Variants in DBF4B observed in about 807,000 individuals in gnomAD.
DBF4B encodes DBF4B-CDC7 kinase regulatory subunit.
DBF4B carries 49 observed loss-of-function variants against 53.4 expected under a neutral mutation model. The observed-to-expected ratio is 0.92, with a 90% CI of 0.73 to 1.16. The LOEUF is 1.16. Ranked by LOEUF, DBF4B falls within the 50% of genes most tolerant of loss-of-function variation. The pLI is 0.00. For synonymous variants in DBF4B, 257 were observed against 288.7 expected, an observed-to-expected ratio of 0.89 and a Z score of 1.11; for missense variants, 692 against 775.0, an observed-to-expected ratio of 0.89 and a Z score of 1.27.
At position 44,725,684 on chromosome 17, in the gene DBF4B, C is replaced by CTTTTTTTTTTTTTTTTTT. The variant is rs68091397; in HGVS notation, c.225+2665_225+2682dup. Among the ~76,000 whole-genome samples the CTTTTTTTTTTTTTTTTTT allele has an allele frequency of 1.2e-3, 106 of 87,626 alleles. 8 individuals carry two copies. The highest frequency in any genetic ancestry group is 4.6e-3 in the East Asian group (18 of 3,898). The allele number at this position is 87,626 out of a possible 152,430, so 57.5% of individuals were successfully genotyped here. ...ATCCTGCCTTTGTTTTTTTGTGCTTCTTTTTTTTTTTTTTTTTTTTAAGAG... is the reference window on the plus strand; with the variant it reads ...ATCCTGCCTTTGTTTTTTTGTGCTTCTTTTTTTTTTTTTTTTTTTTTTTTTTTTTTTTTTTTTTAAGAG... On this transcript the variant is annotated intron_variant, in intron 3 of 13. Transcript: ENST00000315005.
Position 44,749,237 on chromosome 17 carries a change from G to A in DBF4B, c.1189+772G>A, listed in dbSNP as rs975007685. The A allele has an allele frequency of 1.5e-6, 2 of 1,290,494 alleles. No homozygotes were observed. The highest frequency in any genetic ancestry group is 2.4e-5 in the South Asian group (2 of 81,736). The allele number at this position is 1,290,494 out of a possible 1,614,324, so 79.9% of individuals were successfully genotyped here. ...GCCCCCCAGCCTCTCCAGGTGCCCT[G>A]TCTCCCTGTCTCCCAGCCCTGGTCC... is the stretch of plus-strand genomic sequence containing the variant. On this transcript the variant is annotated intron_variant, in intron 13 of 13. Coordinates refer to ENST00000315005, the MANE Select transcript of DBF4B (RefSeq NM_145663.3). The surrounding 1 kb of genome is among the most constrained non-coding windows in gnomAD (Gnocchi z 4.4).
intron 2 of DBF4B, among the ~76,000 whole-genome samples, chr17:44,716,881 T>G (rs1973377581): frequency 6.6e-6 from 1 of 152,180 alleles, no homozygotes; most frequent in African/African-American, 2.4e-5. Context: ...TGGCTTAGGA[T>G]TTAGCCTTCT....
At position 44,751,287 on chromosome 17, in the gene DBF4B, G is replaced by A. The variant is rs750978583; in HGVS notation, c.*34G>A. On this transcript the variant is annotated 3_prime_UTR_variant, in exon 14 of 14. Coordinates refer to ENST00000315005, the MANE Select transcript of DBF4B (RefSeq NM_145663.3). The stretch of plus-strand genomic sequence containing the variant: ...CCAGAACACCTGAGACTTGACCCAG[G>A]ATGGATGGGTGCTGCTTGATGTGAA... 6.9e-6 allele frequency: 11 copies of A among 1,592,076 alleles called. No homozygotes were observed. The Admixed American group carries it at 1.9e-4, about 27-fold the overall frequency.
At chr17:44,730,202 T>A in intron 4 of DBF4B, 106 bp downstream of exon 4, 1 of 1,244,354 alleles carries the variant, frequency 8.0e-7, no homozygotes, top group Admixed American at 2.8e-5. Flanking sequence ...ATTAATTTAA[T>A]CTCTCATTTG....
chr17:44,716,519 A>G (rs775203559), intron 2 of DBF4B, among the ~76,000 whole-genome samples: 20 of 152,078 alleles, frequency 1.3e-4, no homozygotes, highest in Admixed American at 5.2e-4. Flanking sequence ...CCCCAAGACT[A>G]TTGACATTTT....
rs1424596782 is a variant in DBF4B, at chr17:44,750,558, T to C, written c.1190-37T>C. On this transcript the variant is annotated intron_variant, in intron 13 of 13. Transcript: ENST00000315005. The stretch of plus-strand genomic sequence containing the variant: ...ATTACAAATAGCAAAGAGATGGGGC[T>C]GGAATGCCATATGTCGGTCCTTGAT... The C allele has an allele frequency of 1.9e-6, 3 of 1,547,214 alleles. No individual in the cohort carries two copies. The Admixed American group carries it at 6.0e-5, about 31-fold the overall frequency.
chr17:44,746,286 G>A (rs1281754057), intron 10 of DBF4B, among the ~76,000 whole-genome samples: 5 of 151,528 alleles, frequency 3.3e-5, no homozygotes, highest in African/African-American at 9.7e-5. Flanking sequence ...AAATCCTAGC[G>A]GACAGTGAGG....
Position 44,750,610 on chromosome 17 carries a change from C to A in DBF4B, c.1205C>A (p.Ala402Asp). The change falls in exon 14 of 14, where the codon GCT (alanine) becomes GAT (aspartate). Residue 402 changes from alanine to aspartate, a missense_variant. Physicochemically the swap from Ala to Asp is moderately radical, Grantham distance 126. Around this residue, in one of 3 missense-constraint regions of DBF4B, gnomAD observed 597 missense variants for 665.8 expected, o/e 0.90. Coordinates refer to ENST00000315005, the MANE Select transcript of DBF4B (RefSeq NM_145663.3). The stretch of plus-strand genomic sequence containing the variant: ...TGCCCTCCAGTGACCCAAGGCAGGG[C>A]TGCGGGCCAGCAGCGATGGACAGAA... ...SCQASVTQGR[A>D]AGQQRWTESL... 1 of 1,611,308 alleles carries A rather than the reference C, an allele frequency of 6.2e-7. No individual in the cohort carries two copies. The highest frequency in any genetic ancestry group is 8.5e-7 in the Non-Finnish European group (1 of 1,178,268).
intron 2 of DBF4B, chr17:44,718,754 A>G (rs984231975): frequency 2.6e-5 from 4 of 151,972 alleles, no homozygotes; most frequent in Non-Finnish European, 5.9e-5. Flanking sequence ...ATTAATAACT[A>G]TCTTACAGGA....
At chr17:44,713,307 C>T (rs1973059765) in intron 2 of DBF4B, among the ~76,000 whole-genome samples, 1 of 149,324 alleles carries the variant, frequency 6.7e-6, no homozygotes, top group African/African-American at 2.4e-5. Context: ...TCCCAAAGTG[C>T]TGGGATTACA....
In DBF4B at chr17:44,749,957, C is replaced by A; in HGVS notation, c.1190-638C>A. 9.9e-7 allele frequency: 1 copy of A among 1,007,950 alleles called. No individual in the cohort carries two copies. Among genetic ancestry groups the A allele is most frequent in the Non-Finnish European group, 1.2e-6 (1 of 842,838 alleles). The allele number at this position is 1,007,950 out of a possible 1,614,324, so 62.4% of individuals were successfully genotyped here. ...CAGAGGAGGGGCTTGGGCTGCACCACTCACAGAGCTCCCTCCCCCAGGCAC... is the reference window on the plus strand; with the variant it reads ...CAGAGGAGGGGCTTGGGCTGCACCAATCACAGAGCTCCCTCCCCCAGGCAC... On this transcript the variant is annotated intron_variant, in intron 13 of 13. Coordinates refer to ENST00000315005, the MANE Select transcript of DBF4B (RefSeq NM_145663.3). This position sits in a 1 kb window ranked among gnomAD's most constrained non-coding sequence, Gnocchi z 4.4.
chr17:44,720,773 T>C (rs1973758337), intron 2 of DBF4B, among the ~76,000 whole-genome samples: 1 of 152,184 alleles, frequency 6.6e-6, no homozygotes. Context: ...ACACATGGTT[T>C]TCCAATGTGA....
intron 2 of DBF4B, among the ~76,000 whole-genome samples, chr17:44,712,005 G>A (rs548487289): frequency 5.9e-5 from 9 of 151,532 alleles, no homozygotes; most frequent in African/African-American, 1.7e-4. Flanking sequence ...GCTGAAGCAG[G>A]AGAATTGCTT....
At chr17:44,746,070 A>G (rs1286823004) in intron 10 of DBF4B, among the ~76,000 whole-genome samples, 36 of 130,284 alleles carry the variant, frequency 2.8e-4, no homozygotes, top group African/African-American at 7.2e-4. Context: ...AAAAAAAAAA[A>G]AAAGAAAGAA....
intron 13 of DBF4B, chr17:44,750,362 C>G: frequency 7.4e-7 from 1 of 1,350,700 alleles, no homozygotes; most frequent in East Asian, 2.8e-5. Context: ...TGATGCTATT[C>G]TGTGTCTCCT....
chr17:44,717,699 C>A (rs1973446428), intron 2 of DBF4B, among the ~76,000 whole-genome samples: 1 of 136,750 alleles, frequency 7.3e-6, no homozygotes, highest in Non-Finnish European at 1.6e-5. Context: ...CAAAGCAAGA[C>A]CTGGTCTCAA....
chr17:44,734,019 C>A, intron 6 of DBF4B, 71 bp from the exon 7 acceptor site: 1 of 1,347,492 alleles, frequency 7.4e-7, no homozygotes. Flanking sequence ...AGTCCTGCAG[C>A]CCAGGAAGGG....
intron 2 of DBF4B, among the ~76,000 whole-genome samples, chr17:44,711,264 G>A (rs1281876740): frequency 1.3e-5 from 2 of 151,986 alleles, no homozygotes. Flanking sequence ...GATTATAGGC[G>A]TGAGCCACCA....
chr17:44,708,930 G>A (rs1972615659), intron 1 of DBF4B, 91 bp downstream of exon 1: 2 of 1,512,922 alleles, frequency 1.3e-6, no homozygotes, highest in Non-Finnish European at 1.8e-6. Flanking sequence ...CTTAGGAAGT[G>A]ACCAGCGGGT....
Sources: gnomAD v4.1 joint callset for allele counts (sites outside exome capture counted in the v4.1 genomes callset) on GRCh38, gnomAD v4.1.1 for gene constraint, gnomAD v4.1.1 regional missense constraint, Gnocchi (gnomAD v3.1) non-coding constraint, MANE v1.5 for transcripts, NCBI Gene and HGNC (gene_info 2026-07-23, HGNC 2026-07-21) for gene names.